Variants in TECPR2 observed in about 807,000 individuals in gnomAD.
TECPR2 encodes the protein tectonin beta-propeller repeat-containing protein 2.
TECPR2 carries 65 observed loss-of-function variants against 138.1 expected under a neutral mutation model. The observed-to-expected ratio is 0.47, with a 90% CI of 0.39 to 0.58. The LOEUF (loss-of-function observed/expected upper bound fraction) is 0.58. Among genes scored for constraint, TECPR2 ranks in the 20% least tolerant of loss-of-function variants. The probability of loss-of-function intolerance (pLI) is 0.00; values close to 1 mark genes in which losing one functional copy is unlikely to be tolerated. For synonymous variants in TECPR2, 746 were observed against 749.8 expected (o/e 0.99, Z 0.08); for missense variants, 1,553 against 1,824.5 (o/e 0.85, Z 2.71).
chr14:102,426,032 G>A (rs575800892), intron 6 of TECPR2, among the ~76,000 whole-genome samples: 4 of 149,972 alleles, frequency 2.7e-5, no homozygotes, highest in East Asian at 3.9e-4. Flanking sequence ...TTACAGGTGC[G>A]CACCACCACG....
chr14:102,368,417 G>C (rs1391190700), intron 1 of TECPR2, among the ~76,000 whole-genome samples: 1 of 152,120 alleles, frequency 6.6e-6, no homozygotes, highest in Non-Finnish European at 1.5e-5. Context: ...TGTTGATCAG[G>C]CTGGTCTCAA....
At chr14:102,446,969 A>T (rs896673348) in intron 13 of TECPR2, among the ~76,000 whole-genome samples, 1 of 152,170 alleles carries the variant, frequency 6.6e-6, no homozygotes, top group Non-Finnish European at 1.5e-5. Flanking sequence ...ACCCAGAATT[A>T]AAATTGAGCT....
At chr14:102,475,944 A>G (rs1183358629) in intron 17 of TECPR2, among the ~76,000 whole-genome samples, 1 of 152,256 alleles carries the variant, frequency 6.6e-6, no homozygotes, top group East Asian at 1.9e-4. Context: ...CAGGCATGCA[A>G]CGGCTCACAC....
chr14:102,436,340 A>T (rs1889672529), intron 9 of TECPR2, among the ~76,000 whole-genome samples: 1 of 136,996 alleles, frequency 7.3e-6, no homozygotes. Flanking sequence ...TTTTTCTGAG[A>T]CAGGGTCTCA....
chr14:102,499,055 T>C lies in TECPR2; in HGVS notation c.*798T>C. 1 of 701,330 alleles carries C rather than the reference T, an allele frequency of 1.4e-6. No individual in the cohort carries two copies. 43.4% of individuals were successfully genotyped at this position (701,330 alleles called of 1,614,324 possible). A position where few individuals can be genotyped will look rare whatever the true frequency, so the allele number is the denominator to read the frequency against. ...TCACCACACCACACCACACCACACC[T>C]CACTGCCCACACACGGCGCAGGCTG... On this transcript the variant is annotated 3_prime_UTR_variant, in exon 20 of 20. Transcript: ENST00000359520.
intron 2 of TECPR2, among the ~76,000 whole-genome samples, chr14:102,392,185 T>A (rs568275546): frequency 5.3e-4 from 80 of 152,180 alleles, no homozygotes; most frequent in Non-Finnish European, 1.1e-3. Flanking sequence ...AGAGACGGGG[T>A]TTCACTGTGT....
intron 17 of TECPR2, among the ~76,000 whole-genome samples, chr14:102,493,953 C>T (rs964744421): frequency 3.3e-5 from 5 of 152,356 alleles, no homozygotes; most frequent in Admixed American, 6.5e-5. Context: ...CCTCAGTGGC[C>T]CTGTGTCCTC....
chr14:102,450,568 T>C lies in TECPR2; in HGVS notation c.3325T>C (p.Trp1109Arg). The change falls in exon 15 of 20, where the codon TGG (tryptophan) becomes CGG (arginine). Residue 1109 changes from tryptophan (W) to arginine (R), a missense_variant. Transcript: ENST00000359520. ...VAKGSLIGTY[W>R]NHVVPRGTAS... is the part of the protein sequence containing the mutation. ...CTATTTACTCTTTCCAGGCACCTAC[T>C]GGAATCATGTGGTTCCCCGTGGGAC... is the stretch of plus-strand genomic sequence containing the variant. 6.2e-7 allele frequency: 1 copy of C among 1,614,208 alleles called. No homozygotes were observed. Among genetic ancestry groups the C allele is most frequent in the Non-Finnish European group, 8.5e-7 (1 of 1,180,008 alleles).
chr14:102,388,783 A>C (rs560157184), intron 2 of TECPR2, among the ~76,000 whole-genome samples: 13 of 152,092 alleles, frequency 8.5e-5, no homozygotes, highest in African/African-American at 2.4e-4. Flanking sequence ...AACATGGTGA[A>C]ATGCTGTCTC....
At chr14:102,455,736 C>T (rs866583680) in intron 16 of TECPR2, among the ~76,000 whole-genome samples, 6 of 152,212 alleles carry the variant, frequency 3.9e-5, no homozygotes, top group East Asian at 1.9e-4. Context: ...CTCAACCTCC[C>T]GAGTAGCTGA....
chr14:102,370,898 G>A (rs1887487972), intron 1 of TECPR2, among the ~76,000 whole-genome samples: 1 of 152,154 alleles, frequency 6.6e-6, no homozygotes, highest in Non-Finnish European at 1.5e-5. Flanking sequence ...GGAGGGATCA[G>A]GGATGATGCT....
At chr14:102,497,167 C>G in intron 18 of TECPR2, 47 bp downstream of exon 18, 1 of 1,589,948 alleles carries the variant, frequency 6.3e-7, no homozygotes, top group South Asian at 1.1e-5. Flanking sequence ...GCCGGGGCTA[C>G]CATCACTGGG....
chr14:102,372,501 G>A (rs1309155466), intron 1 of TECPR2, among the ~76,000 whole-genome samples: 1 of 152,206 alleles, frequency 6.6e-6, no homozygotes, highest in Non-Finnish European at 1.5e-5. Flanking sequence ...CCAACCTCAG[G>A]TGATCCGCCC....
chr14:102,450,589 G>A lies in TECPR2; in HGVS notation c.3346G>A (p.Gly1116Arg). 1 of 1,614,174 alleles carries A rather than the reference G, an allele frequency of 6.2e-7. No individual in the cohort carries two copies. The highest frequency in any genetic ancestry group is 1.3e-5 in the African/African-American group (1 of 75,044). The change falls in exon 15 of 20, where the codon GGG (glycine) becomes AGG (arginine). Residue 1116 changes from glycine (G) to arginine (R), a missense_variant. Physicochemically the swap from Gly to Arg is moderately radical, Grantham distance 125 (BLOSUM62 -2). Transcript: ENST00000359520. The stretch of plus-strand genomic sequence containing the variant: ...CTACTGGAATCATGTGGTTCCCCGT[G>A]GGACAGCTTCTGCTACAAAATGGGC... Reference protein sequence around the residue: ...GTYWNHVVPRGTASATKWAFV... With the variant: ...GTYWNHVVPRRTASATKWAFV...
intron 2 of TECPR2, among the ~76,000 whole-genome samples, chr14:102,382,019 C>T (rs945833173): frequency 1.3e-5 from 2 of 152,060 alleles, no homozygotes; most frequent in Non-Finnish European, 2.9e-5. Flanking sequence ...ATAGGCCGGG[C>T]ACGGTGGCTC....
At chr14:102,464,138 G>A (rs530426074) in intron 16 of TECPR2, among the ~76,000 whole-genome samples, 15 of 152,196 alleles carry the variant, frequency 9.9e-5, no homozygotes, top group Admixed American at 5.9e-4. Context: ...GAGTCCCGAC[G>A]GTCTCATGGG....
chr14:102,436,729 G>C (rs945742380), intron 9 of TECPR2, among the ~76,000 whole-genome samples: 1 of 152,178 alleles, frequency 6.6e-6, no homozygotes, highest in Non-Finnish European at 1.5e-5. Flanking sequence ...CAGTGCAGAT[G>C]GCAGCTAGTT....
At position 102,445,917 on chromosome 14, in the gene TECPR2, G is replaced by T; in HGVS notation, c.3045G>T (p.Lys1015Asn). 6.2e-7 allele frequency: 1 copy of T among 1,613,960 alleles called. No individual in the cohort carries two copies. The highest frequency in any genetic ancestry group is 1.1e-5 in the South Asian group (1 of 91,070). Residue 1015 changes from lysine to asparagine, a missense_variant, in exon 13 of 20, where the codon AAG (lysine) becomes AAT (asparagine). Transcript: ENST00000359520. Reference sequence around the variant, plus strand: ...TCAGAACTGGCATTATTTCCAAGAAGCCCCAAGGAGATGACGACCATTGGT... The same window carrying T: ...TCAGAACTGGCATTATTTCCAAGAATCCCCAAGGAGATGACGACCATTGGT... The part of the protein sequence containing the change: ...LWFRTGIISK[K>N]PQGDDDHWWQ...
At chr14:102,374,626 C>G (rs944304343) in intron 1 of TECPR2, among the ~76,000 whole-genome samples, 2 of 152,142 alleles carry the variant, frequency 1.3e-5, no homozygotes, top group African/African-American at 4.8e-5. Flanking sequence ...GTTTTAAAAG[C>G]GTGATCTTCC....
Sources: gnomAD v4.1 joint callset for allele counts (sites outside exome capture counted in the v4.1 genomes callset) on GRCh38, gnomAD v4.1.1 for gene constraint, MANE v1.5 for transcripts, NCBI Gene and HGNC (gene_info 2026-07-23, HGNC 2026-07-21) for gene names.